ARMC9: variants seen among roughly 807,000 people sequenced by gnomAD.
ARMC9 encodes lisH domain-containing protein ARMC9.
Under a neutral mutation model 107.0 loss-of-function variants are expected in ARMC9, and 94 were observed. The ratio of observed to expected loss-of-function variants is 0.88; its 90% confidence interval spans 0.74 to 1.04. The LOEUF (loss-of-function observed/expected upper bound fraction) is 1.04, where lower values mean the gene tolerates loss of function less well. ARMC9 is among the 50% of genes least tolerant of loss of function. ARMC9 has a pLI of 0.00. For synonymous variants in ARMC9, 380 were observed against 396.9 expected, an observed-to-expected ratio of 0.96 and a Z score of 0.51; for missense variants, 942 against 1,030.1, an observed-to-expected ratio of 0.91 and a Z score of 1.17.
intron 20 of ARMC9, among the ~76,000 whole-genome samples, chr2:231,343,208 C>T (rs1430046774): frequency 2.0e-5 from 3 of 151,758 alleles, no homozygotes; most frequent in African/African-American, 4.8e-5. Flanking sequence ...CCACTGTACC[C>T]GGACCAGGGC....
At chr2:231,323,513 C>T (rs1040957163) in intron 19 of ARMC9, among the ~76,000 whole-genome samples, 2 of 152,278 alleles carry the variant, frequency 1.3e-5, no homozygotes, top group Non-Finnish European at 2.9e-5. Context: ...GCCCTTCCCA[C>T]CTCAACTAGC....
chr2:231,214,149 C>CA (rs917834377), intron 3 of ARMC9, among the ~76,000 whole-genome samples: 91 of 152,334 alleles, frequency 6.0e-4, no homozygotes, highest in African/African-American at 2.1e-3. Flanking sequence ...CAGGTGGACT[C>CA]ACACAGCTCT....
At chr2:231,233,582 G>A (rs1409992045) in intron 7 of ARMC9, among the ~76,000 whole-genome samples, 1 of 152,098 alleles carries the variant, frequency 6.6e-6, no homozygotes, top group East Asian at 1.9e-4. Context: ...TTCAAGACCA[G>A]CCTGACCAAC....
intron 5 of ARMC9, among the ~76,000 whole-genome samples, chr2:231,218,647 A>G (rs2033786659): frequency 6.6e-6 from 1 of 152,178 alleles, no homozygotes; most frequent in African/African-American, 2.4e-5. Flanking sequence ...GACCTTCCGT[A>G]TTCATGGAGA....
chr2:231,223,907 A>G (rs562711617), intron 6 of ARMC9, among the ~76,000 whole-genome samples: 24 of 152,212 alleles, frequency 1.6e-4, no homozygotes, highest in Admixed American at 8.5e-4. Context: ...ATATACAGTG[A>G]TTTTCAGTGA....
At chr2:231,329,005 G>A (rs952507026) in intron 19 of ARMC9, among the ~76,000 whole-genome samples, 9 of 151,526 alleles carry the variant, frequency 5.9e-5, no homozygotes, top group African/African-American at 2.2e-4. Context: ...TTTTAGTAGA[G>A]ACAGGGTTTC....
intron 23 of ARMC9, among the ~76,000 whole-genome samples, chr2:231,367,400 A>C (rs114049389): frequency 0.013 from 2,006 of 152,228 alleles, 44 homozygotes; most frequent in African/African-American, 0.046. Context: ...GAAGCCAGCT[A>C]TCCCTCCTGG....
In ARMC9 at chr2:231,375,548, T is replaced by C. The variant is rs1022087340; in HGVS notation, c.*4013T>C. 2.0e-5 allele frequency among the ~76,000 whole-genome samples: 3 copies of C among 152,224 alleles called. No individual in the cohort carries two copies. Among genetic ancestry groups the C allele is most frequent in the Non-Finnish European group, 4.4e-5 (3 of 68,046 alleles). ...CCATTTAGATTCAATTGAACAAATATATTCTTTGGGGCTGCAGTGTGTCAG... is the reference window on the plus strand; with the variant it reads ...CCATTTAGATTCAATTGAACAAATACATTCTTTGGGGCTGCAGTGTGTCAG... On this transcript the variant is annotated 3_prime_UTR_variant, in exon 25 of 25. Coordinates refer to ENST00000611582, the MANE Select transcript of ARMC9 (RefSeq NM_001352754.2). The surrounding 1 kb of genome is among the most constrained non-coding windows in gnomAD (Gnocchi z 4.3).
intron 23 of ARMC9, among the ~76,000 whole-genome samples, chr2:231,365,008 GGTAA>G (rs2045754136): frequency 6.6e-6 from 1 of 152,198 alleles, no homozygotes; most frequent in Non-Finnish European, 1.5e-5. Context: ...GACGGCTGTT[GGTAA>G]GTGTCAGCTG....
intron 19 of ARMC9, among the ~76,000 whole-genome samples, chr2:231,316,564 G>A (rs936774024): frequency 2.6e-5 from 4 of 151,182 alleles, no homozygotes; most frequent in South Asian, 2.1e-4. Context: ...TGGGAGAATC[G>A]CTTGAACCCA....
chr2:231,291,776 C>G (rs1257507644), intron 18 of ARMC9, among the ~76,000 whole-genome samples: 1 of 147,466 alleles, frequency 6.8e-6, no homozygotes, highest in Non-Finnish European at 1.5e-5. Context: ...GATTGCACCA[C>G]TGCACTCCAG....
chr2:231,239,936 C>T lies in ARMC9; in HGVS notation c.781-7C>T. 1 of 1,612,592 alleles carries T rather than the reference C, an allele frequency of 6.2e-7. No individual in the cohort carries two copies. Among genetic ancestry groups the T allele is most frequent in the South Asian group, 1.1e-5 (1 of 90,968 alleles). On this transcript the variant is annotated splice_polypyrimidine_tract_variant and splice_region_variant and intron_variant, in intron 8 of 24. Transcript: ENST00000611582. Reference sequence around the variant, plus strand: ...CATCACCAGATGTCTTTGTATCCTCCTTGCAGATCACCCCTGAGTACCTCC... The same window carrying T: ...CATCACCAGATGTCTTTGTATCCTCTTTGCAGATCACCCCTGAGTACCTCC...
chr2:231,300,770 CAG>C (rs1255435663), intron 19 of ARMC9, among the ~76,000 whole-genome samples: 3 of 152,002 alleles, frequency 2.0e-5, no homozygotes, highest in African/African-American at 7.3e-5. Context: ...TAGCAAATAA[CAG>C]AAAATAAATA....
In ARMC9 at chr2:231,270,985, A is replaced by G. The variant is rs1368979761; in HGVS notation, c.1123A>G (p.Ser375Gly). The G allele has an allele frequency of 6.2e-7, 1 of 1,613,994 alleles. No homozygotes were observed. Among genetic ancestry groups the G allele is most frequent in the Non-Finnish European group, 8.5e-7 (1 of 1,179,952 alleles). Reference protein sequence around the residue: ...LLDCYSHNQRSVLQLLHSTSD... With the variant: ...LLDCYSHNQRGVLQLLHSTSD... ...TCCTCTTGACGTTTTCCCCCAGAGG[A>G]GTGTGCTTCAGTTGCTGCACTCCAC... Residue 375 changes from serine to glycine, a missense_variant, in exon 13 of 25, where the codon AGT (serine) becomes GGT (glycine). Physicochemically the swap from Ser to Gly is moderately conservative, Grantham distance 56 (BLOSUM62 0). Coordinates refer to ENST00000611582, the MANE Select transcript of ARMC9 (RefSeq NM_001352754.2).
chr2:231,361,843 C>G (rs951387907), intron 23 of ARMC9, among the ~76,000 whole-genome samples: 1 of 152,116 alleles, frequency 6.6e-6, no homozygotes, highest in African/African-American at 2.4e-5. Context: ...CCTGCACCCA[C>G]TGGTGGAGAA....
At chr2:231,311,640 T>C (rs1401694180) in intron 19 of ARMC9, among the ~76,000 whole-genome samples, 1 of 151,890 alleles carries the variant, frequency 6.6e-6, no homozygotes, top group Non-Finnish European at 1.5e-5. Context: ...TGTGGTGGCA[T>C]GCGCCTGTAA....
intron 20 of ARMC9, among the ~76,000 whole-genome samples, chr2:231,338,954 C>T (rs2044310987): frequency 6.6e-6 from 1 of 151,794 alleles, no homozygotes; most frequent in South Asian, 2.1e-4. Context: ...ATCAAATTTT[C>T]TTAATATTGA....
At position 231,373,586 on chromosome 2, in the gene ARMC9, T is replaced by C. The variant is rs755574711; in HGVS notation, c.*2051T>C. ...TAGTCTTTTAGAGAAGTGGGGAGTA[T>C]CCAACTTAGGGTCAAAATACACTGA... On this transcript the variant is annotated 3_prime_UTR_variant, in exon 25 of 25. Transcript: ENST00000611582. This position sits in a 1 kb window ranked among gnomAD's most constrained non-coding sequence, Gnocchi z 4.4. 1.3e-5 allele frequency: 2 copies of C among 152,100 alleles called. No homozygotes were observed. The highest frequency in any genetic ancestry group is 2.9e-5 in the Non-Finnish European group (2 of 68,040). The allele number at this position is 152,100 out of a possible 1,614,324, so 9.4% of individuals were successfully genotyped here.
At chr2:231,291,283 T>A in intron 17 of ARMC9, 70 bp from the exon 18 acceptor site, 1 of 1,256,510 alleles carries the variant, frequency 8.0e-7, no homozygotes, top group Non-Finnish European at 1.2e-6. Context: ...TTAGATGAGA[T>A]GACCTCATTG....
Sources: allele counts gnomAD v4.1 joint callset (sites outside exome capture counted in the v4.1 genomes callset), GRCh38; gene constraint gnomAD v4.1.1; non-coding constraint Gnocchi (gnomAD v3.1); transcripts MANE v1.5; gene names NCBI Gene and HGNC (gene_info 2026-07-23, HGNC 2026-07-21).